MAGI1: variants seen among roughly 807,000 people sequenced by gnomAD.
MAGI1 encodes membrane-associated guanylate kinase, WW and PDZ domain-containing protein 1.
Under a neutral mutation model 139.9 loss-of-function variants are expected in MAGI1, and 58 were observed. That is an observed-to-expected ratio of 0.41 (90% CI 0.34 to 0.52). MAGI1 has a LOEUF of 0.52. Ranked by LOEUF, MAGI1 falls within the 20% of genes least tolerant of loss-of-function variation. MAGI1 has a pLI of 0.12. For missense variants in MAGI1, 1,874 were observed against 1,901.6 expected (o/e 0.99, Z 0.27); for synonymous variants, 812 against 737.9 (o/e 1.10, Z -1.63).
chr3:65,955,106 G>A (rs1351904298), intron 1 of MAGI1, among the ~76,000 whole-genome samples: 1 of 152,104 alleles, frequency 6.6e-6, no homozygotes, highest in East Asian at 1.9e-4. Flanking sequence ...GAAAGAGAGA[G>A]ACAGAGACAG....
intron 2 of MAGI1, among the ~76,000 whole-genome samples, chr3:65,523,077 C>G (rs141930185): frequency 3.3e-5 from 5 of 152,122 alleles, no homozygotes; most frequent in African/African-American, 9.7e-5. Context: ...ATCTCCTCAA[C>G]CAGAATGTAT....
At chr3:65,629,160 C>A (rs887008524) in intron 1 of MAGI1, among the ~76,000 whole-genome samples, 6 of 152,098 alleles carry the variant, frequency 3.9e-5, no homozygotes, top group South Asian at 2.1e-4. Flanking sequence ...TGATCTCTAT[C>A]TCCTAGGATA....
intron 1 of MAGI1, among the ~76,000 whole-genome samples, chr3:65,671,747 T>C (rs2086870053): frequency 6.6e-6 from 1 of 152,108 alleles, no homozygotes; most frequent in Non-Finnish European, 1.5e-5. Flanking sequence ...AGACTGTGTG[T>C]CAAACCTTTC....
At chr3:65,859,006 C>T (rs1050278192) in intron 1 of MAGI1, among the ~76,000 whole-genome samples, 3 of 152,132 alleles carry the variant, frequency 2.0e-5, no homozygotes, top group African/African-American at 2.4e-5. Context: ...CGTTGGCCTG[C>T]TGTGTGCCAG....
intron 5 of MAGI1, among the ~76,000 whole-genome samples, chr3:65,456,449 T>G (rs542926589): frequency 3.3e-5 from 5 of 152,194 alleles, no homozygotes; most frequent in African/African-American, 1.2e-4. Flanking sequence ...TTTTTAGGTG[T>G]GGAGTCTGTA....
chr3:65,379,171 CGT>C (rs1942829590), intron 17 of MAGI1, 88 bp downstream of exon 17: 8 of 1,590,954 alleles, frequency 5.0e-6, no homozygotes, highest in Non-Finnish European at 6.0e-6. Flanking sequence ...CATTTCTGCA[CGT>C]GAGGTCTGAG....
chr3:65,357,157 A>G (rs1289961589), intron 22 of MAGI1, 25 bp from the exon 23 acceptor site: 13 of 1,579,842 alleles, frequency 8.2e-6, no homozygotes, highest in Non-Finnish European at 1.1e-5. Flanking sequence ...AACGAGAGCA[A>G]CAGTTGGGTA....
intron 3 of MAGI1, among the ~76,000 whole-genome samples, chr3:65,493,106 T>G (rs1200026552): frequency 6.6e-6 from 1 of 151,412 alleles, no homozygotes; most frequent in Admixed American, 6.6e-5. Context: ...GTTTGCTTTA[T>G]GAATCACATA....
intron 1 of MAGI1, among the ~76,000 whole-genome samples, chr3:65,992,224 T>TA (rs1319611915): frequency 2.0e-5 from 3 of 152,168 alleles, no homozygotes; most frequent in African/African-American, 7.2e-5. Flanking sequence ...CTAACTGGCA[T>TA]ATAATAGGCA....
chr3:65,357,548 C>A (rs1295662265), intron 22 of MAGI1, among the ~76,000 whole-genome samples: 2 of 107,994 alleles, frequency 1.9e-5, no homozygotes, highest in Admixed American at 1.3e-4. Context: ...AGAAAATATT[C>A]TTTGCTTTAA....
At chr3:65,856,999 C>A (rs923424214) in intron 1 of MAGI1, among the ~76,000 whole-genome samples, 2 of 152,198 alleles carry the variant, frequency 1.3e-5, no homozygotes, top group Non-Finnish European at 2.9e-5. Flanking sequence ...AACCAATACA[C>A]CCTGACGGCC....
chr3:65,584,047 C>T (rs1210372106), intron 2 of MAGI1, among the ~76,000 whole-genome samples: 2 of 147,102 alleles, frequency 1.4e-5, no homozygotes, highest in Non-Finnish European at 3.0e-5. Context: ...CATTCTCTAC[C>T]CCTATTTCCA....
chr3:66,032,304 C>T (rs567553065), intron 1 of MAGI1, among the ~76,000 whole-genome samples: 34 of 151,670 alleles, frequency 2.2e-4, no homozygotes, highest in Non-Finnish European at 4.1e-4. Flanking sequence ...CTCAGCCTCC[C>T]GGGTTCAAGC....
chr3:66,007,361 A>T (rs1162790897), intron 1 of MAGI1, among the ~76,000 whole-genome samples: 2 of 152,352 alleles, frequency 1.3e-5, no homozygotes, highest in South Asian at 2.1e-4. Flanking sequence ...GTAAGAATCA[A>T]GTTGTAAACA....
chr3:65,634,105 G>T (rs975086066), intron 1 of MAGI1, among the ~76,000 whole-genome samples: 1 of 152,104 alleles, frequency 6.6e-6, no homozygotes, highest in African/African-American at 2.4e-5. Context: ...TCATTTTACA[G>T]AAGTATAAAC....
intron 1 of MAGI1, among the ~76,000 whole-genome samples, chr3:66,006,122 C>G (rs1415369247): frequency 6.6e-6 from 1 of 152,178 alleles, no homozygotes; most frequent in Non-Finnish European, 1.5e-5. Context: ...GCCAAGTAAA[C>G]AGAAATCTAT....
At chr3:65,388,626 T>TG (rs1320423120) in intron 14 of MAGI1, among the ~76,000 whole-genome samples, 1 of 152,026 alleles carries the variant, frequency 6.6e-6, no homozygotes, top group East Asian at 1.9e-4. Flanking sequence ...ATAATTACCA[T>TG]GGGGGCCAGG....
chr3:65,895,878 T>C (rs977799515), intron 1 of MAGI1, among the ~76,000 whole-genome samples: 1 of 152,240 alleles, frequency 6.6e-6, no homozygotes, highest in East Asian at 1.9e-4. Flanking sequence ...AATATTTCCC[T>C]GGAAAGCTAT....
intron 1 of MAGI1, among the ~76,000 whole-genome samples, chr3:65,640,040 G>GT (rs11441250): frequency 0.064 from 9,787 of 151,830 alleles, 1,049 homozygotes; most frequent in African/African-American, 0.22. Flanking sequence ...CTGGGAATCA[G>GT]TTTTTCCTGT....
Sources: gnomAD v4.1 joint callset for allele counts (sites outside exome capture counted in the v4.1 genomes callset) on GRCh38, gnomAD v4.1.1 for gene constraint, MANE v1.5 for transcripts, NCBI Gene and HGNC (gene_info 2026-07-23, HGNC 2026-07-21) for gene names.